Variants in MRTFA observed in about 807,000 individuals in gnomAD.
MRTFA encodes the protein myocardin-related transcription factor A.
Under a neutral mutation model 83.5 loss-of-function variants are expected in MRTFA, and 20 were observed. That is an observed-to-expected ratio of 0.24 (90% CI 0.17 to 0.35). The LOEUF is 0.35. Among genes scored for constraint, MRTFA ranks in the 10% least tolerant of loss-of-function variants. The pLI, the probability that MRTFA is intolerant of heterozygous loss-of-function variation, is 1.00. For missense variants in MRTFA, 1,200 were observed against 1,224.7 expected (o/e 0.98, Z 0.30); for synonymous variants, 659 against 541.2 (o/e 1.22, Z -3.02).
chr22:40,560,370 C>A (rs1469817629), intron 2 of MRTFA, among the ~76,000 whole-genome samples: 2 of 152,196 alleles, frequency 1.3e-5, no homozygotes, highest in African/African-American at 4.8e-5. Flanking sequence ...AAGTCATATA[C>A]AAGCACTGAC....
chr22:40,525,459 C>G (rs1267836620), intron 3 of MRTFA, among the ~76,000 whole-genome samples: 2 of 152,068 alleles, frequency 1.3e-5, no homozygotes, highest in East Asian at 3.9e-4. Flanking sequence ...CGAGATCCCA[C>G]CACTGCACTC....
chr22:40,450,420 T>A (rs188585954), intron 4 of MRTFA, among the ~76,000 whole-genome samples: 3 of 152,210 alleles, frequency 2.0e-5, no homozygotes, highest in African/African-American at 7.2e-5. Context: ...CCTGCTTTGA[T>A]GCTGTTTTCA....
chr22:40,417,355 G>C lies in MRTFA; in HGVS notation c.2503C>G (p.Gln835Glu), dbSNP rs1430291797. The C allele has an allele frequency of 5.0e-6, 8 of 1,611,364 alleles. No homozygotes were observed. In the East Asian group the frequency reaches 1.6e-4, roughly 31 times the overall value. ...GCCTTCCTCACCTGCTGTTTGGGCT[G>C]CTGGCTCATGGCTTCCTCATAGCCA... Residue 835 changes from glutamine (Q) to glutamate (E), a missense_variant, in exon 13 of 15, where the codon CAG becomes GAG. This residue lies in a region of MRTFA where 1,107 missense variants were observed against 1,041.8 expected (regional missense o/e 1.06). Transcript: ENST00000355630.
At chr22:40,599,548 C>T (rs2056233326) in intron 1 of MRTFA, among the ~76,000 whole-genome samples, 1 of 152,098 alleles carries the variant, frequency 6.6e-6, no homozygotes, top group African/African-American at 2.4e-5. Context: ...ACAAGCACTT[C>T]TTTGGAAAGA....
chr22:40,499,221 G>C (rs985768205), intron 3 of MRTFA, among the ~76,000 whole-genome samples: 2 of 152,106 alleles, frequency 1.3e-5, no homozygotes, highest in African/African-American at 2.4e-5. Context: ...TTAACATCTT[G>C]TCTGCATTAC....
At chr22:40,555,725 C>G (rs997134630) in intron 2 of MRTFA, among the ~76,000 whole-genome samples, 1 of 151,856 alleles carries the variant, frequency 6.6e-6, no homozygotes, top group Admixed American at 6.6e-5. Flanking sequence ...CAAGCTCCAC[C>G]TCCTGCATTC....
At position 40,480,811 on chromosome 22, in the gene MRTFA, C is replaced by A. The variant is rs181191095; in HGVS notation, c.242-17525G>T. On this transcript the variant is annotated intron_variant, in intron 3 of 14. Coordinates refer to ENST00000355630, the MANE Select transcript of MRTFA (RefSeq NM_020831.6). ...GTCACCAGGCTGGAGTGCAGTGGCG[C>A]GATCTCCGCTCACTGCAACCTCCGC... Among the ~76,000 whole-genome samples the A allele has an allele frequency of 4.2e-5, 6 of 142,792 alleles. No homozygotes were observed. The East Asian group carries it at 1.2e-3, about 29-fold the overall frequency. 93.7% of individuals were successfully genotyped at this position (142,792 alleles called of 152,430 possible).
intron 13 of MRTFA, 87 bp downstream of exon 13, chr22:40,417,253 CT>C (rs1242601819): frequency 1.8e-5 from 27 of 1,531,180 alleles, no homozygotes; most frequent in Admixed American, 9.9e-5. Context: ...CGCCTGCCCC[CT>C]ATTCCTCCGG....
At chr22:40,446,383 T>C (rs1192680994) in intron 4 of MRTFA, among the ~76,000 whole-genome samples, 3 of 152,298 alleles carry the variant, frequency 2.0e-5, no homozygotes, top group East Asian at 1.9e-4. Flanking sequence ...GGGTGAATGG[T>C]TGTGCTATTA....
At chr22:40,609,048 T>G (rs1475057193) in intron 1 of MRTFA, among the ~76,000 whole-genome samples, 1 of 152,146 alleles carries the variant, frequency 6.6e-6, no homozygotes, top group Non-Finnish European at 1.5e-5. Flanking sequence ...AACCCAGCAC[T>G]TTGGGAGGCC....
intron 6 of MRTFA, 110 bp downstream of exon 6, chr22:40,431,295 T>G: frequency 9.5e-7 from 1 of 1,053,102 alleles, no homozygotes; most frequent in Non-Finnish European, 1.5e-6. Flanking sequence ...GCTTACCCAC[T>G]GCCAACAGAA....
intron 2 of MRTFA, among the ~76,000 whole-genome samples, chr22:40,586,230 T>C (rs565171113): frequency 6.6e-6 from 1 of 151,126 alleles, no homozygotes; most frequent in African/African-American, 2.4e-5. Context: ...TAATAAAATC[T>C]TATTGATCTG....
chr22:40,514,727 G>A (rs566545426), intron 3 of MRTFA, among the ~76,000 whole-genome samples: 57 of 151,214 alleles, frequency 3.8e-4, no homozygotes, highest in African/African-American at 1.3e-3. Flanking sequence ...TGATCCACCC[G>A]CTTCGGCCTC....
chr22:40,536,337 C>G (rs1015571341), intron 3 of MRTFA, among the ~76,000 whole-genome samples: 5 of 151,292 alleles, frequency 3.3e-5, no homozygotes, highest in African/African-American at 1.2e-4. Flanking sequence ...CCGCCGCCGC[C>G]CGACCGCCGG....
intron 3 of MRTFA, among the ~76,000 whole-genome samples, chr22:40,474,759 G>A (rs2053965119): frequency 2.0e-5 from 3 of 152,186 alleles, no homozygotes. Flanking sequence ...TTTGTGTGAA[G>A]AGTATTTCCA....
intron 2 of MRTFA, among the ~76,000 whole-genome samples, chr22:40,561,489 T>TAA (rs58076826): frequency 0.1 from 11,457 of 112,254 alleles, 641 homozygotes; most frequent in East Asian, 0.26. Context: ...AAACTATGTC[T>TAA]AAAAAAAAAA....
chr22:40,512,478 T>C (rs2054683923), intron 3 of MRTFA, among the ~76,000 whole-genome samples: 1 of 152,170 alleles, frequency 6.6e-6, no homozygotes, highest in South Asian at 2.1e-4. Context: ...GGTACCTTGG[T>C]TACTACTGAA....
At chr22:40,556,410 C>T (rs2055525203) in intron 2 of MRTFA, among the ~76,000 whole-genome samples, 1 of 151,860 alleles carries the variant, frequency 6.6e-6, no homozygotes, top group South Asian at 2.1e-4. Flanking sequence ...ATAAACTGGA[C>T]TGGAAAAGAT....
chr22:40,486,390 A>G (rs1432500908), intron 3 of MRTFA, among the ~76,000 whole-genome samples: 1 of 152,254 alleles, frequency 6.6e-6, no homozygotes, highest in Non-Finnish European at 1.5e-5. Context: ...ATTTTATTCA[A>G]TGAATCTAAT....
Sources: allele counts gnomAD v4.1 joint callset (sites outside exome capture counted in the v4.1 genomes callset), GRCh38; gene constraint gnomAD v4.1.1; regional missense constraint gnomAD v4.1.1; transcripts MANE v1.5; gene names NCBI Gene and HGNC (gene_info 2026-07-23, HGNC 2026-07-21).